ZNF320: variants seen among roughly 807,000 people sequenced by gnomAD.
ZNF320 encodes zinc finger protein 320, also known as zinc finger gene 320.
A neutral mutation model predicts 6.8 loss-of-function variants in ZNF320; 2 were observed. The ratio of observed to expected loss-of-function variants is 0.29; its 90% CI spans 0.12 to 0.93. The LOEUF is 0.93. Among genes scored for constraint, ZNF320 ranks in the 40% least tolerant of loss-of-function variants. The pLI, the probability that ZNF320 is intolerant of heterozygous loss-of-function variation, is 0.55. For synonymous variants in ZNF320, 208 were observed against 203.2 expected, an observed-to-expected ratio of 1.02 and a Z score of -0.20; for missense variants, 472 against 611.0, an observed-to-expected ratio of 0.77 and a Z score of 2.40.
At position 52,867,267 on chromosome 19, in the gene ZNF320, G is replaced by A. The variant is rs147693032; in HGVS notation, c.224-3108C>T. Reference sequence around the variant, plus strand: ...GGCTGGAGTGCAGTGGCATGGTCTCGGCTCACTGCCACCTCTGCCTCCTGG... The same window carrying A: ...GGCTGGAGTGCAGTGGCATGGTCTCAGCTCACTGCCACCTCTGCCTCCTGG... On this transcript the variant is annotated intron_variant, in intron 5 of 5. Coordinates refer to the ZNF320 transcript ENST00000673631. Among the ~76,000 whole-genome samples, 765 of 151,916 alleles carry A rather than the reference G, an allele frequency of 5.0e-3. 5 individuals carry two copies. The highest frequency in any genetic ancestry group is 0.017 in the African/African-American group (688 of 41,434).
In ZNF320 at chr19:52,881,013, A is replaced by T; in HGVS notation, c.1113T>A (p.Arg371=). The change falls in exon 6 of 6, where the codon CGT becomes CGA. Residue 371 remains arginine (R), a synonymous_variant. Coordinates refer to ENST00000682928, the MANE Select transcript of ZNF320 (RefSeq NM_001351774.2). ...TATGAACTCTCTGATGTTCTGCAAG[A>T]CGTGAATCACTCCGGAAAGCCTTGT... The part of the protein sequence containing the change: ...VCDKAFRSDS[R]LAEHQRVHTG... 1 of 1,612,984 alleles carries T rather than the reference A, an allele frequency of 6.2e-7. No homozygotes were observed.
At chr19:52,904,209 A>T in the ZNF320 span, among the ~76,000 whole-genome samples, 1 of 152,242 alleles carries the variant, frequency 6.6e-6, no homozygotes, top group Non-Finnish European at 1.5e-5. Flanking sequence ...CTGGCGAGGC[A>T]TTCCATTGGG....
intron 1 of ZNF320, among the ~76,000 whole-genome samples, chr19:52,896,735 C>T (rs958150387): frequency 1.3e-5 from 2 of 152,224 alleles, no homozygotes; most frequent in Admixed American, 1.3e-4. Context: ...AAAAGAAATA[C>T]CTGGGTCCTG....
chr19:52,866,427 G>T (rs537477132), intron 5 of ZNF320, among the ~76,000 whole-genome samples: 1 of 151,784 alleles, frequency 6.6e-6, no homozygotes, highest in East Asian at 1.9e-4. Context: ...CAGCCAGGGT[G>T]GCATTCTTGG....
At chr19:52,896,297 A>G (rs2064469940) in intron 1 of ZNF320, among the ~76,000 whole-genome samples, 1 of 152,142 alleles carries the variant, frequency 6.6e-6, no homozygotes, top group Non-Finnish European at 1.5e-5. Flanking sequence ...CGCCATGTTG[A>G]CTAGGCTGGT....
Position 52,877,470 on chromosome 19 carries a change from T to C in ZNF320, c.*3126A>G, listed in dbSNP as rs1371565072. 1 of 152,158 alleles carries C rather than the reference T, an allele frequency of 6.6e-6. No individual in the cohort carries two copies. Among genetic ancestry groups the C allele is most frequent in the Admixed American group, 6.5e-5 (1 of 15,272 alleles). The allele number at this position is 152,158 out of a possible 1,614,324, so 9.4% of individuals were successfully genotyped here. A position where few individuals can be genotyped will look rare whatever the true frequency, so the allele number is the denominator to read the frequency against. The stretch of plus-strand genomic sequence containing the variant: ...CAGGGACCCTGTATTTTTACATAAA[T>C]AGGGCAAGGGAAGCAATCAGATAGA... On this transcript the variant is annotated 3_prime_UTR_variant, in exon 6 of 6. Transcript: ENST00000682928.
chr19:52,865,837 GATTATACACATATATTTATATATT>G (rs1600561029), intron 5 of ZNF320, among the ~76,000 whole-genome samples: 2 of 80,008 alleles, frequency 2.5e-5, no homozygotes, highest in African/African-American at 6.2e-5. Flanking sequence ...ATTTATATAT[GATTATACACATATATTTATATATT>G]ATACATATAT....
At position 52,880,800 on chromosome 19, in the gene ZNF320, C is replaced by G. The variant is rs1009823323; in HGVS notation, c.1326G>C (p.Lys442Asn). The G allele has an allele frequency of 3.7e-6, 6 of 1,613,810 alleles. No homozygotes were observed. The African/African-American group carries it at 8.0e-5, about 22-fold the overall frequency. ...RRIHTGEKPH[K>N]CGDCGKAFNS... ...TAAAGGCTTTACCACAATCACCACA[C>G]TTGTGAGGTTTCTCTCCTGTATGAA... Residue 442 changes from lysine (K) to asparagine (N), a missense_variant, in exon 6 of 6, where the codon AAG becomes AAC. Coordinates refer to ENST00000682928, the MANE Select transcript of ZNF320 (RefSeq NM_001351774.2).
exon 6 of ZNF320, among the ~76,000 whole-genome samples, chr19:52,861,326 G>T (rs1462322594): frequency 6.6e-6 from 1 of 152,122 alleles, no homozygotes; most frequent in Non-Finnish European, 1.5e-5. Context: ...TTTGTACCTT[G>T]AAATCCACAA....
At position 52,862,231 on chromosome 19, in the gene ZNF320, G is replaced by A. The variant is rs867907354; in HGVS notation, c.*1798C>T. ...GATGGATGGTGAGTAAGTGGTGATT[G>A]CCCACTAAAGGCTTTGCCACACTCA... On this transcript the variant is annotated 3_prime_UTR_variant, in exon 6 of 6. Transcript: ENST00000673631. The A allele has an allele frequency of 8.9e-5, 56 of 626,540 alleles. No individual in the cohort carries two copies. The Middle Eastern group carries it at 1.2e-3, about 14-fold the overall frequency. 38.8% of individuals were successfully genotyped at this position (626,540 alleles called of 1,614,324 possible). A position where few individuals can be genotyped will look rare whatever the true frequency, so the allele number is the denominator to read the frequency against.
chr19:52,897,810 G>A (rs1465429077), upstream of ZNF320: 1 of 152,484 alleles, frequency 6.6e-6, no homozygotes, highest in African/African-American at 2.4e-5. Context: ...ACAAGGCCGG[G>A]GCGGGGTTGA....
rs1425306486 is a variant in ZNF320 at position 52,880,860 on chromosome 19, G to A, written c.1266C>T (p.Tyr422=). 3 of 1,613,800 alleles carry A rather than the reference G, an allele frequency of 1.9e-6. No individual in the cohort carries two copies. In the Admixed American group the frequency reaches 5.0e-5, roughly 27 times the overall value. Residue 422 remains tyrosine (Y), a synonymous_variant, in exon 6 of 6, where the codon TAC becomes TAT. Transcript: ENST00000682928. The part of the protein sequence containing the change: ...LYECEECDKV[Y]IRKSHLERHR... ...GTCTTTCAAGGTGTGATTTGCGAAT[G>A]TAAACTTTGTCACATTCTTCACATT...
intron 1 of ZNF320, among the ~76,000 whole-genome samples, chr19:52,896,600 T>A (rs1376173319): frequency 1.3e-5 from 2 of 151,970 alleles, no homozygotes; most frequent in African/African-American, 2.4e-5. Flanking sequence ...TCCCAGCTAC[T>A]CTGCAGGCTG....
At chr19:52,882,054 TCA>T (rs369753383) in intron 5 of ZNF320, 71 bp from the exon 6 acceptor site, 21 of 1,385,238 alleles carry the variant, frequency 1.5e-5, no homozygotes, top group Non-Finnish European at 1.8e-5. Context: ...TGTATAAATA[TCA>T]CACACACACA....
intron 1 of ZNF320, among the ~76,000 whole-genome samples, chr19:52,897,184 C>T (rs937404059): frequency 6.6e-6 from 1 of 152,226 alleles, no homozygotes; most frequent in Admixed American, 6.5e-5. Flanking sequence ...GGTAGCAACA[C>T]CGCACAAGGA....
At chr19:52,866,952 ACAGT>A (rs1354279239) in intron 5 of ZNF320, among the ~76,000 whole-genome samples, 12 of 152,008 alleles carry the variant, frequency 7.9e-5, no homozygotes, top group African/African-American at 2.9e-4. Context: ...CAGTTAAATA[ACAGT>A]CAGGCAATAC....
At chr19:52,868,422 C>A (rs1427663054) in intron 5 of ZNF320, among the ~76,000 whole-genome samples, 2 of 151,758 alleles carry the variant, frequency 1.3e-5, no homozygotes, top group East Asian at 3.9e-4. Context: ...AGGAGAATCG[C>A]TCGAACCCCC....
At chr19:52,890,030 C>T (rs1423050408) in intron 4 of ZNF320, among the ~76,000 whole-genome samples, 1 of 152,100 alleles carries the variant, frequency 6.6e-6, no homozygotes, top group East Asian at 1.9e-4. Flanking sequence ...CTTCCCAGGA[C>T]CATGCCCAGT....
At chr19:52,868,420 C>T (rs56245967) in intron 5 of ZNF320, among the ~76,000 whole-genome samples, 4 of 151,594 alleles carry the variant, frequency 2.6e-5, no homozygotes, top group South Asian at 4.2e-4. Flanking sequence ...GCAGGAGAAT[C>T]GCTCGAACCC....
Sources: gnomAD v4.1 joint callset for allele counts (sites outside exome capture counted in the v4.1 genomes callset) on GRCh38, gnomAD v4.1.1 for gene constraint, MANE v1.5 for transcripts, NCBI Gene and HGNC (gene_info 2026-07-23, HGNC 2026-07-21) for gene names.